TSNAXIP1: variants seen among roughly 807,000 people sequenced by gnomAD.
TSNAXIP1 encodes translin associated factor X interacting protein 1, also known as translin-associated factor X-interacting protein 1.
A neutral mutation model predicts 84.8 loss-of-function variants in TSNAXIP1; 89 were observed. The observed-to-expected ratio is 1.05, with a 90% CI of 0.88 to 1.25. The LOEUF (loss-of-function observed/expected upper bound fraction) is 1.25. Among genes scored for constraint, TSNAXIP1 ranks in the 50% most tolerant of loss-of-function variants. TSNAXIP1 has a pLI of 0.00. For missense variants in TSNAXIP1, 874 were observed against 887.6 expected (o/e 0.98, Z 0.20); for synonymous variants, 347 against 335.2 (o/e 1.04, Z -0.39).
intron 2 of TSNAXIP1, among the ~76,000 whole-genome samples, chr16:67,818,188 G>A (rs563110310): frequency 2.6e-5 from 4 of 152,182 alleles, no homozygotes; most frequent in African/African-American, 9.6e-5. Flanking sequence ...CAGCCTGGGC[G>A]ACAGAGCGAG....
rs1480327939 is a variant in TSNAXIP1, at chr16:67,807,657, G to GT, written c.47+467dup. On this transcript the variant is annotated intron_variant, in intron 1 of 15. Transcript: ENST00000561639. ...TTTTTGGGTGTTTCTTTGTTCGTTTGTTTTTTGTAGAGACGAGGTTTCACC... is the reference window on the plus strand; with the variant it reads ...TTTTTGGGTGTTTCTTTGTTCGTTTGTTTTTTTGTAGAGACGAGGTTTCACC... 3 of 259,156 alleles carry GT rather than the reference G, an allele frequency of 1.2e-5. No homozygotes were observed. In the East Asian group the frequency reaches 3.6e-4, roughly 32 times the overall value. 16.1% of individuals were successfully genotyped at this position (259,156 alleles called of 1,614,324 possible). A position where few individuals can be genotyped will look rare whatever the true frequency, so the allele number is the denominator to read the frequency against.
At chr16:67,826,585 G>C in intron 11 of TSNAXIP1, 23 bp downstream of exon 11, 1 of 1,613,948 alleles carries the variant, frequency 6.2e-7, no homozygotes, top group Non-Finnish European at 8.5e-7. Context: ...CAGCCACTCT[G>C]GCCCAGCATG....
chr16:67,827,131 G>T, intron 13 of TSNAXIP1, 59 bp downstream of exon 13: 1 of 1,606,772 alleles, frequency 6.2e-7, no homozygotes, highest in East Asian at 2.2e-5. Context: ...CATCTGTAGG[G>T]AAAAGGGGCA....
At chr16:67,821,270 G>GA in intron 4 of TSNAXIP1, 45 bp downstream of exon 4, 33 of 874,308 alleles carry the variant, frequency 3.8e-5, no homozygotes, top group Non-Finnish European at 5.6e-5. Context: ...GGAAGGGTGG[G>GA]AAGAAGCTTC....
chr16:67,826,058 G>A lies in TSNAXIP1; in HGVS notation c.1126G>A (p.Asp376Asn), dbSNP rs781402163. 1.2e-6 allele frequency: 2 copies of A among 1,613,582 alleles called. No homozygotes were observed. The highest frequency in any genetic ancestry group is 1.3e-5 in the African/African-American group (1 of 75,044). ...CCAGCGCACTTCCACGCCGCGGCCT[G>A]ACTGGACCAAGTGCAAAGGTGAGGG... is the stretch of plus-strand genomic sequence containing the variant. ...EIQRTSTPRPDWTKCKDVVAG... is the reference protein window; with the variant it reads ...EIQRTSTPRPNWTKCKDVVAG... The change falls in exon 9 of 16, where the codon GAC (aspartate) becomes AAC (asparagine). Residue 376 changes from aspartate to asparagine, a missense_variant. Asp to Asn is a conservative substitution (Grantham distance 23). Transcript: ENST00000561639.
At chr16:67,827,154 G>C in intron 13 of TSNAXIP1, 82 bp downstream of exon 13, 1 of 1,605,872 alleles carries the variant, frequency 6.2e-7, no homozygotes, top group Non-Finnish European at 8.5e-7. Flanking sequence ...TGGTGGGAAG[G>C]GCCACAGCCT....
intron 5 of TSNAXIP1, 116 bp downstream of exon 5, chr16:67,823,835 G>A: frequency 3.8e-6 from 3 of 779,280 alleles, no homozygotes; most frequent in Non-Finnish European, 6.2e-6. Flanking sequence ...TGGCCAACAT[G>A]GTGAAACCCT....
chr16:67,824,619 T>C lies in TSNAXIP1; in HGVS notation c.518T>C (p.Leu173Pro), dbSNP rs1378462142. The part of the protein sequence containing the change: ...QREKIRALEP[L>P]KAKLVTVNED... ...GAGAAGATTCGGGCTCTGGAGCCCC[T>C]GAAGGCCAAGCTTGTCACTGTGAAT... The change falls in exon 6 of 16, where the codon CTG (leucine) becomes CCG (proline). Residue 173 changes from leucine to proline, a missense_variant. Physicochemically the swap from Leu to Pro is moderately conservative, Grantham distance 98 (BLOSUM62 -3). Coordinates refer to ENST00000561639, the MANE Select transcript of TSNAXIP1 (RefSeq NM_001288990.3). 1 of 1,614,070 alleles carries C rather than the reference T, an allele frequency of 6.2e-7. No homozygotes were observed. Among genetic ancestry groups the C allele is most frequent in the South Asian group, 1.1e-5 (1 of 91,084 alleles).
intron 1 of TSNAXIP1, among the ~76,000 whole-genome samples, chr16:67,812,896 C>A (rs2056221174): frequency 6.6e-6 from 1 of 152,100 alleles, no homozygotes; most frequent in African/African-American, 2.4e-5. Flanking sequence ...CAGGCATGAG[C>A]TACCACGCCC....
intron 15 of TSNAXIP1, 66 bp from the exon 16 acceptor site, chr16:67,827,687 G>C: frequency 6.2e-7 from 1 of 1,610,892 alleles, no homozygotes; most frequent in Non-Finnish European, 8.5e-7. Flanking sequence ...ACAGAGGAGG[G>C]CACCTGGGAG....
chr16:67,806,977 T>G lies in TSNAXIP1; in HGVS notation c.-173T>G. 1 of 1,049,252 alleles carries G rather than the reference T, an allele frequency of 9.5e-7. No individual in the cohort carries two copies. The highest frequency in any genetic ancestry group is 1.3e-6 in the Non-Finnish European group (1 of 748,876). 65.0% of individuals were successfully genotyped at this position (1,049,252 alleles called of 1,614,324 possible). On this transcript the variant is annotated 5_prime_UTR_variant, in exon 1 of 16. Transcript: ENST00000561639. ...CCCGCTGCCGGGTCCCAGTCCACCT[T>G]TGCTACTTTGTCCTACTCCCAGCCC...
At chr16:67,824,809 G>A (rs373462226) in intron 6 of TSNAXIP1, 30 bp downstream of exon 6, 79 of 1,602,022 alleles carry the variant, frequency 4.9e-5, no homozygotes, top group Non-Finnish European at 6.6e-5. Context: ...TGATGACCAA[G>A]TCCCCGAATT....
At chr16:67,820,008 C>T (rs1262390144) in intron 2 of TSNAXIP1, among the ~76,000 whole-genome samples, 3 of 151,760 alleles carry the variant, frequency 2.0e-5, no homozygotes, top group Admixed American at 6.6e-5. Flanking sequence ...TTAGTAGAGA[C>T]GGGGTTTCAC....
intron 1 of TSNAXIP1, among the ~76,000 whole-genome samples, chr16:67,812,372 T>C (rs2056162644): frequency 6.6e-6 from 1 of 151,928 alleles, no homozygotes; most frequent in African/African-American, 2.4e-5. Context: ...TTTTTATTTA[T>C]TTAAAAAAAA....
In TSNAXIP1 at chr16:67,825,675, G is replaced by A; in HGVS notation, c.823G>A (p.Gly275Arg). ...GCCCCTTCCCCTGGCAGGCATCTGGGGGGAGGACCCTGTGAAGTTAACCCT... is the reference window on the plus strand; with the variant it reads ...GCCCCTTCCCCTGGCAGGCATCTGGAGGGAGGACCCTGTGAAGTTAACCCT... ...MSLAQSPGIW[G>R]EDPVKLTLAL... The change falls in exon 8 of 16, where the codon GGG becomes AGG. Residue 275 changes from glycine (G) to arginine (R), a missense_variant. By Grantham distance (125) the Gly-to-Arg change is moderately radical. Transcript: ENST00000561639. 6.2e-7 allele frequency: 1 copy of A among 1,611,984 alleles called. No individual in the cohort carries two copies. Among genetic ancestry groups the A allele is most frequent in the Non-Finnish European group, 8.5e-7 (1 of 1,178,424 alleles).
chr16:67,825,965 A>G lies in TSNAXIP1; in HGVS notation c.1033A>G (p.Ile345Val). The change falls in exon 9 of 16, where the codon ATC becomes GTC. Residue 345 changes from isoleucine to valine, a missense_variant. Transcript: ENST00000561639. Reference sequence around the variant, plus strand: ...CGAGGAGGTTCGCAAGGAGCATGAGATCCTCATGCAGCTGCACATGAGCAC... The same window carrying G: ...CGAGGAGGTTCGCAAGGAGCATGAGGTCCTCATGCAGCTGCACATGAGCAC... ...SYEEVRKEHEILMQLHMSTLK... is the reference protein window; with the variant it reads ...SYEEVRKEHEVLMQLHMSTLK... 1.2e-6 allele frequency: 2 copies of G among 1,614,070 alleles called. No homozygotes were observed.
intron 1 of TSNAXIP1, among the ~76,000 whole-genome samples, chr16:67,809,839 C>T (rs372283683): frequency 1.3e-5 from 2 of 151,068 alleles, no homozygotes; most frequent in South Asian, 2.1e-4. Flanking sequence ...ATCCCAGCTA[C>T]TCAGGAGGCT....
chr16:67,814,313 G>C lies in TSNAXIP1; in HGVS notation c.59G>C (p.Arg20Pro), dbSNP rs750773771. ...SFSSASRLQP[R>P]PSGVTIDESF... ...CCTTCTCTGTGCAGATTACAGCCAC[G>C]GCCTTCAGGAGTGACCATAGACGAA... Residue 20 changes from arginine (R) to proline (P), a missense_variant, in exon 2 of 16, where the codon CGG (arginine) becomes CCG (proline). Coordinates refer to ENST00000561639, the MANE Select transcript of TSNAXIP1 (RefSeq NM_001288990.3). 1 of 1,535,958 alleles carries C rather than the reference G, an allele frequency of 6.5e-7. No individual in the cohort carries two copies. Among genetic ancestry groups the C allele is most frequent in the Admixed American group, 2.0e-5 (1 of 50,970 alleles).
chr16:67,825,908 T>C lies in TSNAXIP1; in HGVS notation c.985-9T>C, dbSNP rs947055162. ...GGTGGGGGGCCAGGGCCAATGTCCT[T>C]GCCCACAGCTGGACACCCTGAGAGC... On this transcript the variant is annotated splice_polypyrimidine_tract_variant and intron_variant, in intron 8 of 15. Transcript: ENST00000561639. 17 of 1,613,884 alleles carry C rather than the reference T, an allele frequency of 1.1e-5. No homozygotes were observed. Among genetic ancestry groups the C allele is most frequent in the Non-Finnish European group, 1.4e-5 (17 of 1,180,022 alleles).
Sources: allele counts gnomAD v4.1 joint callset (sites outside exome capture counted in the v4.1 genomes callset), GRCh38; gene constraint gnomAD v4.1.1; transcripts MANE v1.5; gene names NCBI Gene and HGNC (gene_info 2026-07-23, HGNC 2026-07-21).